The following ROBO1 variants were observed in gnomAD, a reference collection of about 807,000 sequenced individuals.
ROBO1 encodes the protein roundabout guidance receptor 1.
ROBO1 carries 149 observed loss-of-function variants against 195.9 expected under a neutral mutation model. The observed-to-expected ratio is 0.76, with a 90% confidence interval of 0.67 to 0.87. The LOEUF is 0.87. Ranked by LOEUF, ROBO1 falls within the 40% of genes least tolerant of loss-of-function variation. The pLI is 0.00. For missense variants in ROBO1, 1,933 were observed against 2,068.3 expected (o/e 0.93, Z 1.27); for synonymous variants, 816 against 733.2 (o/e 1.11, Z -1.82).
rs776176749 is a variant in ROBO1, at chr3:78,805,435, G to A, written c.500-58535C>T. Reference sequence around the variant, plus strand: ...TACATTTAATTACTTATACATAAACGTCAGTAAACCATATTTACAACTACT... The same window carrying A: ...TACATTTAATTACTTATACATAAACATCAGTAAACCATATTTACAACTACT... On this transcript the variant is annotated intron_variant, in intron 4 of 30. Transcript: ENST00000464233. Among the ~76,000 whole-genome samples the A allele has an allele frequency of 1.4e-4, 22 of 151,862 alleles. No homozygotes were observed. The East Asian group carries it at 1.5e-3, about 11-fold the overall frequency.
At chr3:79,339,520 T>C (rs2034822297) in intron 2 of ROBO1, among the ~76,000 whole-genome samples, 1 of 152,314 alleles carries the variant, frequency 6.6e-6, no homozygotes, top group Non-Finnish European at 1.5e-5. Flanking sequence ...TTTTTGTACC[T>C]GCATACATTC....
intron 2 of ROBO1, among the ~76,000 whole-genome samples, chr3:79,174,131 C>A (rs1488842436): frequency 6.6e-6 from 1 of 152,024 alleles, no homozygotes; most frequent in Non-Finnish European, 1.5e-5. Flanking sequence ...CTGCTCAGGT[C>A]CCCTTCCACA....
At chr3:78,648,182 AAACAC>A (rs766619640) in intron 19 of ROBO1, among the ~76,000 whole-genome samples, 1 of 152,184 alleles carries the variant, frequency 6.6e-6, no homozygotes, top group Non-Finnish European at 1.5e-5. Context: ...ACAAACAAAC[AAACAC>A]AACACAAGTA....
At chr3:79,322,554 G>C (rs948825486) in intron 2 of ROBO1, among the ~76,000 whole-genome samples, 1 of 152,158 alleles carries the variant, frequency 6.6e-6, no homozygotes, top group African/African-American at 2.4e-5. Context: ...TGCTAGGAAA[G>C]ACAACTAGGT....
At chr3:79,743,331 C>A (rs989858478) in intron 1 of ROBO1, among the ~76,000 whole-genome samples, 2 of 152,166 alleles carry the variant, frequency 1.3e-5, no homozygotes, top group South Asian at 2.1e-4. Flanking sequence ...ATAAACATAT[C>A]TAAACATAGA....
chr3:79,230,821 A>G (rs1238459768), intron 2 of ROBO1, among the ~76,000 whole-genome samples: 1 of 152,146 alleles, frequency 6.6e-6, no homozygotes, highest in Non-Finnish European at 1.5e-5. Context: ...TTCAAACTAT[A>G]CTACAGGGAT....
chr3:78,952,985 G>T (rs908492575), intron 3 of ROBO1, among the ~76,000 whole-genome samples: 2 of 152,024 alleles, frequency 1.3e-5, no homozygotes, highest in African/African-American at 2.4e-5. Flanking sequence ...TTCCAGGAGT[G>T]AATGCCTGGT....
chr3:79,048,492 C>A (rs942659011), intron 3 of ROBO1, among the ~76,000 whole-genome samples: 1 of 152,116 alleles, frequency 6.6e-6, no homozygotes, highest in Non-Finnish European at 1.5e-5. Context: ...ATGTGCTTCT[C>A]ATGGAACCCC....
chr3:79,538,067 A>G (rs1941938709), intron 2 of ROBO1, among the ~76,000 whole-genome samples: 1 of 152,138 alleles, frequency 6.6e-6, no homozygotes, highest in South Asian at 2.1e-4. Context: ...TTTTATCTAA[A>G]TATAGCCAAT....
chr3:78,599,556 A>G (rs564417075), intron 30 of ROBO1, among the ~76,000 whole-genome samples: 2 of 152,294 alleles, frequency 1.3e-5, no homozygotes, highest in Non-Finnish European at 2.9e-5. Context: ...CAATCTTTGA[A>G]TGGGTGAGGG....
chr3:78,984,722 T>C (rs964343889), intron 3 of ROBO1, among the ~76,000 whole-genome samples: 1 of 152,126 alleles, frequency 6.6e-6, no homozygotes, highest in Non-Finnish European at 1.5e-5. Context: ...GATGAGACTA[T>C]GTAGGCAACT....
intron 2 of ROBO1, among the ~76,000 whole-genome samples, chr3:79,380,332 T>C (rs543974891): frequency 1.8e-4 from 28 of 152,180 alleles, no homozygotes; most frequent in Non-Finnish European, 2.2e-4. Flanking sequence ...ATATCCTCTT[T>C]TTCCCTTGTC....
chr3:79,255,213 C>T (rs1308058652), intron 2 of ROBO1, among the ~76,000 whole-genome samples: 1 of 151,998 alleles, frequency 6.6e-6, no homozygotes, highest in Non-Finnish European at 1.5e-5. Context: ...TAAAAATTAG[C>T]CGGACAAGGT....
chr3:78,813,615 T>A (rs573716691), intron 4 of ROBO1, among the ~76,000 whole-genome samples: 1 of 152,018 alleles, frequency 6.6e-6, no homozygotes, highest in Non-Finnish European at 1.5e-5. Context: ...AGAAAAAAAA[T>A]ATGTCATGCA....
intron 28 of ROBO1, among the ~76,000 whole-genome samples, chr3:78,611,607 C>T (rs1015806870): frequency 1.3e-5 from 2 of 152,136 alleles, no homozygotes; most frequent in Admixed American, 6.5e-5. Context: ...TGGATTTGAC[C>T]GCAGAGCAAG....
At chr3:79,216,258 C>T (rs558206531) in intron 2 of ROBO1, among the ~76,000 whole-genome samples, 8 of 152,068 alleles carry the variant, frequency 5.3e-5, no homozygotes, top group Non-Finnish European at 7.4e-5. Context: ...GGAAATGACA[C>T]GTATCTATCT....
intron 1 of ROBO1, among the ~76,000 whole-genome samples, chr3:79,657,774 A>G (rs1276043791): frequency 1.3e-5 from 2 of 152,102 alleles, no homozygotes; most frequent in African/African-American, 4.8e-5. Context: ...TCATATCTAG[A>G]TTTTGAATGA....
At chr3:79,421,391 A>AG in intron 2 of ROBO1, among the ~76,000 whole-genome samples, 2 of 152,166 alleles carry the variant, frequency 1.3e-5, no homozygotes, top group Middle Eastern at 6.8e-3. Flanking sequence ...AAAAAAAAAA[A>AG]AGAGAGACCT....
intron 2 of ROBO1, among the ~76,000 whole-genome samples, chr3:79,520,167 A>G (rs1194152886): frequency 1.3e-5 from 2 of 151,608 alleles, no homozygotes; most frequent in Non-Finnish European, 2.9e-5. Flanking sequence ...CAAAAAAAAA[A>G]AAAAAAGAGA....
Sources: gnomAD v4.1 joint callset for allele counts (sites outside exome capture counted in the v4.1 genomes callset) on GRCh38, gnomAD v4.1.1 for gene constraint, MANE v1.5 for transcripts, NCBI Gene and HGNC (gene_info 2026-07-23, HGNC 2026-07-21) for gene names.